The following CDH22 variants were observed in gnomAD, a reference collection of about 807,000 sequenced individuals.
The protein encoded by CDH22 is cadherin-22.
CDH22 carries 30 observed loss-of-function variants against 58.4 expected under a neutral mutation model. The ratio of observed to expected loss-of-function variants is 0.51; its 90% CI spans 0.38 to 0.70. The LOEUF (loss-of-function observed/expected upper bound fraction) is 0.70. CDH22 is among the 30% of genes least tolerant of loss of function. CDH22 has a pLI of 0.00. For missense variants in CDH22, 1,014 were observed against 1,233.9 expected (o/e 0.82, Z 2.67); for synonymous variants, 513 against 558.2 (o/e 0.92, Z 1.14).
At chr20:46,254,397 A>G (rs931652558) in intron 1 of CDH22, among the ~76,000 whole-genome samples, 5 of 152,052 alleles carry the variant, frequency 3.3e-5, no homozygotes, top group Non-Finnish European at 7.4e-5. Context: ...TCTACTAAAA[A>G]TACAAAAATT....
intron 2 of CDH22, among the ~76,000 whole-genome samples, chr20:46,246,054 T>TG (rs2086326312): frequency 6.6e-6 from 1 of 152,152 alleles, no homozygotes; most frequent in African/African-American, 2.4e-5. Context: ...ACAAGAGCGA[T>TG]GTTTTCTCAT....
intron 1 of CDH22, among the ~76,000 whole-genome samples, chr20:46,269,860 T>A (rs1169751934): frequency 6.6e-6 from 1 of 152,174 alleles, no homozygotes; most frequent in Admixed American, 6.5e-5. Context: ...GCCTTGTGAC[T>A]TCTTCCTACT....
At chr20:46,182,084 C>T (rs987827580) in intron 10 of CDH22, among the ~76,000 whole-genome samples, 1 of 152,084 alleles carries the variant, frequency 6.6e-6, no homozygotes. Flanking sequence ...TCCCAAAGTG[C>T]CATGATTACA....
chr20:46,192,915 GC>G (rs200758518), intron 8 of CDH22, among the ~76,000 whole-genome samples: 12 of 150,074 alleles, frequency 8.0e-5, no homozygotes, highest in African/African-American at 1.5e-4. Context: ...CTGTCCCCAT[GC>G]CCCCCCCCAG....
chr20:46,186,728 A>C (rs1303181813), intron 9 of CDH22, 23 bp from the exon 10 acceptor site: 1 of 1,611,484 alleles, frequency 6.2e-7, no homozygotes, highest in African/African-American at 1.3e-5. Context: ...GAGGGGATAG[A>C]GGGCTAGTGG....
At chr20:46,175,158 G>A in intron 11 of CDH22, 81 bp from the exon 12 acceptor site, 12 of 1,365,822 alleles carry the variant, frequency 8.8e-6, no homozygotes, top group Non-Finnish European at 1.2e-5. Context: ...ATCTCCTCCC[G>A]CCTCCCACCC....
intron 1 of CDH22, among the ~76,000 whole-genome samples, chr20:46,298,861 C>T (rs2086639508): frequency 6.6e-6 from 1 of 152,162 alleles, no homozygotes; most frequent in Non-Finnish European, 1.5e-5. Context: ...TTATCTCCCA[C>T]AACCAAGCAG....
At chr20:46,191,976 C>T (rs2085864504) in intron 8 of CDH22, among the ~76,000 whole-genome samples, 1 of 152,140 alleles carries the variant, frequency 6.6e-6, no homozygotes, top group African/African-American at 2.4e-5. Flanking sequence ...CCTTTACCTC[C>T]TTCAGGTCTT....
intron 2 of CDH22, among the ~76,000 whole-genome samples, chr20:46,248,142 C>G (rs942018964): frequency 4.6e-5 from 7 of 152,200 alleles, no homozygotes; most frequent in Non-Finnish European, 8.8e-5. Flanking sequence ...TCAGTTTCCC[C>G]TCCTTCTAAT....
rs114668183 is a variant in CDH22, at chr20:46,241,965, C to T, written c.256-708G>A. On this transcript the variant is annotated intron_variant, in intron 2 of 11. Transcript: ENST00000537909. The surrounding 1 kb of genome is among the most constrained non-coding windows in gnomAD (Gnocchi z 5.2). ...CATGACCTCACTGTGAATTACAGGT[C>T]CACTGCTCCCTAGACTCTGCACCCC... Among the ~76,000 whole-genome samples the T allele has an allele frequency of 3.8e-3, 579 of 152,234 alleles. 4 individuals are homozygous for T. Among genetic ancestry groups the T allele is most frequent in the African/African-American group, 0.013 (557 of 41,532 alleles).
At chr20:46,193,351 T>A (rs1468999308) in intron 8 of CDH22, among the ~76,000 whole-genome samples, 1 of 152,032 alleles carries the variant, frequency 6.6e-6, no homozygotes, top group Non-Finnish European at 1.5e-5. Flanking sequence ...AGCTGTGACA[T>A]GTCTCTTTCC....
chr20:46,220,143 G>C (rs2086113365), intron 4 of CDH22, among the ~76,000 whole-genome samples: 1 of 149,146 alleles, frequency 6.7e-6, no homozygotes, highest in South Asian at 2.2e-4. Flanking sequence ...GAAGGGAGGG[G>C]AACAGACAGA....
chr20:46,244,074 G>T (rs2086311344), intron 2 of CDH22, among the ~76,000 whole-genome samples: 1 of 152,182 alleles, frequency 6.6e-6, no homozygotes, highest in Non-Finnish European at 1.5e-5. Flanking sequence ...AGGATTAGAT[G>T]AGAGCATGTT....
intron 3 of CDH22, among the ~76,000 whole-genome samples, chr20:46,227,920 G>A (rs1380709725): frequency 6.6e-6 from 1 of 152,232 alleles, no homozygotes; most frequent in Non-Finnish European, 1.5e-5. Context: ...CTCTGAGTCT[G>A]TTTCCTCTTC....
At chr20:46,195,625 A>G (rs945163941) in intron 8 of CDH22, among the ~76,000 whole-genome samples, 1 of 61,520 alleles carries the variant, frequency 1.6e-5, no homozygotes, top group Non-Finnish European at 3.3e-5. Flanking sequence ...CCCCCCCCCC[A>G]CCCAGTCTCT....
At chr20:46,244,053 C>T (rs2086311185) in intron 2 of CDH22, among the ~76,000 whole-genome samples, 1 of 152,158 alleles carries the variant, frequency 6.6e-6, no homozygotes, top group Admixed American at 6.5e-5. Flanking sequence ...CTACTTGGCA[C>T]AGGTGTGGGG....
At chr20:46,265,673 C>A (rs971985547) in intron 1 of CDH22, among the ~76,000 whole-genome samples, 3 of 152,168 alleles carry the variant, frequency 2.0e-5, no homozygotes, top group Non-Finnish European at 4.4e-5. Flanking sequence ...TTTTTCTCAG[C>A]ATTATGTTTG....
chr20:46,232,762 T>C (rs533407430), intron 3 of CDH22, among the ~76,000 whole-genome samples: 1 of 152,216 alleles, frequency 6.6e-6, no homozygotes, highest in African/African-American at 2.4e-5. Flanking sequence ...CCACCCCTGC[T>C]GCCCTCCTCC....
intron 1 of CDH22, among the ~76,000 whole-genome samples, chr20:46,285,608 G>C (rs896282666): frequency 6.6e-6 from 1 of 152,092 alleles, no homozygotes; most frequent in Non-Finnish European, 1.5e-5. Context: ...ACTGCCCTGC[G>C]GTCATCTGAT....
Sources: gnomAD v4.1 joint callset for allele counts (sites outside exome capture counted in the v4.1 genomes callset) on GRCh38, gnomAD v4.1.1 for gene constraint, Gnocchi (gnomAD v3.1) non-coding constraint, MANE v1.5 for transcripts, NCBI Gene and HGNC (gene_info 2026-07-23, HGNC 2026-07-21) for gene names.